The following WIPF1 variants were observed in gnomAD, a reference collection of about 807,000 sequenced individuals.
WIPF1 encodes WAS/WASL interacting protein family member 1, also known as WAS/WASL-interacting protein family member 1.
A neutral mutation model predicts 35.4 loss-of-function variants in WIPF1; 13 were observed. The ratio of observed to expected loss-of-function variants is 0.37; its 90% confidence interval spans 0.24 to 0.58. WIPF1 has a LOEUF of 0.58. WIPF1 is among the 20% of genes least tolerant of loss of function. The pLI is 0.74. For synonymous variants in WIPF1, 267 were observed against 266.3 expected (o/e 1.00, Z -0.02); for missense variants, 591 against 667.0 (o/e 0.89, Z 1.25).
chr2:174,649,705 C>A (rs1385412574), intron 1 of WIPF1, among the ~76,000 whole-genome samples: 1 of 152,146 alleles, frequency 6.6e-6, no homozygotes. Flanking sequence ...CTCGTAAGTA[C>A]AATAAATGTT....
chr2:174,604,007 AT>A (rs1336080708), intron 1 of WIPF1, among the ~76,000 whole-genome samples: 1 of 152,248 alleles, frequency 6.6e-6, no homozygotes, highest in Non-Finnish European at 1.5e-5. Context: ...TTCATAGGCC[AT>A]TTTACACAAT....
Position 174,571,390 on chromosome 2 carries a change from T to A in WIPF1, c.1129+286A>T. The A allele has an allele frequency of 1.7e-6, 1 of 605,102 alleles. No homozygotes were observed. Among genetic ancestry groups the A allele is most frequent in the Non-Finnish European group, 2.9e-6 (1 of 341,240 alleles). 37.5% of individuals were successfully genotyped at this position (605,102 alleles called of 1,614,324 possible). Reference sequence around the variant, plus strand: ...TGGACTGGCAAGTACACTTCAGAGATGGAAGATGAAAGTTCTTGCCTCTTC... The same window carrying A: ...TGGACTGGCAAGTACACTTCAGAGAAGGAAGATGAAAGTTCTTGCCTCTTC... On this transcript the variant is annotated intron_variant, in intron 5 of 7. Coordinates refer to ENST00000679041, the MANE Select transcript of WIPF1 (RefSeq NM_001375834.1). This position sits in a 1 kb window ranked among gnomAD's most constrained non-coding sequence, Gnocchi z 4.6.
chr2:174,659,510 A>T (rs1413419986), intron 1 of WIPF1, among the ~76,000 whole-genome samples: 1 of 152,214 alleles, frequency 6.6e-6, no homozygotes, highest in Non-Finnish European at 1.5e-5. Flanking sequence ...CAGGAAACAG[A>T]TCAAAAACTC....
chr2:174,585,727 T>C, intron 1 of WIPF1, 116 bp from the exon 2 acceptor site: 1 of 731,942 alleles, frequency 1.4e-6, no homozygotes, highest in Non-Finnish European at 2.3e-6. Context: ...TTAGAAGAGA[T>C]GGGCTTACCT....
At chr2:174,617,498 T>A (rs1446243856) in intron 1 of WIPF1, among the ~76,000 whole-genome samples, 1 of 152,206 alleles carries the variant, frequency 6.6e-6, no homozygotes, top group Non-Finnish European at 1.5e-5. Flanking sequence ...AATACTGAGC[T>A]ATAGGCATCG....
intron 3 of WIPF1, among the ~76,000 whole-genome samples, chr2:174,577,619 A>T (rs1685101548): frequency 2.0e-5 from 3 of 152,172 alleles, no homozygotes; most frequent in Admixed American, 2.0e-4. Flanking sequence ...TGATGGATAG[A>T]CTTTCTAACA....
At chr2:174,651,152 A>C (rs1476478076) in intron 1 of WIPF1, among the ~76,000 whole-genome samples, 2 of 152,234 alleles carry the variant, frequency 1.3e-5, no homozygotes, top group Admixed American at 1.3e-4. Flanking sequence ...TGGAAGTACT[A>C]AGACTGTCAT....
chr2:174,601,198 A>T (rs1034772903), upstream of WIPF1, among the ~76,000 whole-genome samples: 2 of 152,168 alleles, frequency 1.3e-5, no homozygotes, highest in African/African-American at 4.8e-5. Flanking sequence ...AAGTGCTGGG[A>T]TTATAGGTGT....
Position 174,581,319 on chromosome 2 carries a change from T to C in WIPF1, c.172A>G (p.Ile58Val). Residue 58 changes from isoleucine (I) to valine (V), a missense_variant, in exon 3 of 8, where the codon ATA becomes GTA. Transcript: ENST00000679041. ...KTVTNDRSAPILDKPKGAGAG... is the reference protein window; with the variant it reads ...KTVTNDRSAPVLDKPKGAGAG... ...GCCTTTTTTTACTTACTGTCCAGTA[T>C]TGGTGCACTTCTGTCATTGGTGACC... is the stretch of plus-strand genomic sequence containing the variant. 1 of 1,614,088 alleles carries C rather than the reference T, an allele frequency of 6.2e-7. No individual in the cohort carries two copies. Among genetic ancestry groups the C allele is most frequent in the Non-Finnish European group, 8.5e-7 (1 of 1,179,942 alleles).
At chr2:174,581,545 T>C in intron 2 of WIPF1, 106 bp from the exon 3 acceptor site, 1 of 1,437,460 alleles carries the variant, frequency 7.0e-7, no homozygotes, top group South Asian at 1.4e-5. Flanking sequence ...GTTAAGGTTC[T>C]TGGTGATAGG....
chr2:174,573,271 GAAA>G (rs5836465), intron 4 of WIPF1, among the ~76,000 whole-genome samples: 2 of 138,454 alleles, frequency 1.4e-5, no homozygotes, highest in Admixed American at 7.2e-5. Flanking sequence ...AGGTAATTCT[GAAA>G]AAAAAAAAAA....
chr2:174,619,123 CT>C (rs1181968493), intron 1 of WIPF1, among the ~76,000 whole-genome samples: 5 of 151,804 alleles, frequency 3.3e-5, no homozygotes, highest in African/African-American at 1.2e-4. Flanking sequence ...CCAGCTGTTT[CT>C]TTTTTTTAGA....
rs148744524 is a variant in WIPF1 at position 174,618,337 on chromosome 2, T to C, written c.-38-32726A>G. Among the ~76,000 whole-genome samples, 324 of 152,134 alleles carry C rather than the reference T, an allele frequency of 2.1e-3. 5 individuals carry two copies. Among genetic ancestry groups the C allele is most frequent in the African/African-American group, 7.4e-3 (307 of 41,488 alleles). ...CTCATGTCCTTCCTTGTCTCAGAAGTATGAACTGAGGATCAAGGAGGGGCA... is the reference window on the plus strand; with the variant it reads ...CTCATGTCCTTCCTTGTCTCAGAAGCATGAACTGAGGATCAAGGAGGGGCA... On this transcript the variant is annotated intron_variant, in intron 1 of 8. Transcript: ENST00000272746.
chr2:174,675,151 T>G lies in WIPF1; in HGVS notation c.-39+7623A>C, dbSNP rs571344018. ...TATTTTTAGGAGAAAAAACTATATA[T>G]GTGCATATATACTTATACATAGTTA... is the stretch of plus-strand genomic sequence containing the variant. On this transcript the variant is annotated intron_variant, in intron 1 of 8. Transcript: ENST00000272746. 2.0e-5 allele frequency among the ~76,000 whole-genome samples: 3 copies of G among 152,274 alleles called. No homozygotes were observed. In the East Asian group the frequency reaches 5.8e-4, roughly 29 times the overall value.
intron 1 of WIPF1, among the ~76,000 whole-genome samples, chr2:174,653,759 A>AAG (rs1205835118): frequency 6.6e-6 from 1 of 151,646 alleles, no homozygotes; most frequent in African/African-American, 2.4e-5. Flanking sequence ...AAAAAAAAAA[A>AAG]AAAGAAACAG....
intron 1 of WIPF1, among the ~76,000 whole-genome samples, chr2:174,635,529 GTTTTTTTTTTT>G (rs1197924942): frequency 8.6e-6 from 1 of 115,624 alleles, no homozygotes; most frequent in Non-Finnish European, 1.7e-5. Context: ...CCTTCTGTTT[GTTTTTTTTTTT>G]TTTTTTTTTT....
rs10168488 is a variant in WIPF1 at position 174,651,431 on chromosome 2, C to T, written c.-39+31343G>A. On this transcript the variant is annotated intron_variant, in intron 1 of 8. Coordinates refer to the WIPF1 transcript ENST00000272746. Reference sequence around the variant, plus strand: ...ACTTCAGAATGATAACACTGAGTTACTGCTAAATGAAAAACAATAGTAACA... The same window carrying T: ...ACTTCAGAATGATAACACTGAGTTATTGCTAAATGAAAAACAATAGTAACA... Among the ~76,000 whole-genome samples the T allele has an allele frequency of 9.7e-3, 1,470 of 152,300 alleles. 27 individuals are homozygous for T. Among genetic ancestry groups the T allele is most frequent in the African/African-American group, 0.033 (1,375 of 41,548 alleles).
intron 1 of WIPF1, among the ~76,000 whole-genome samples, chr2:174,588,455 C>T (rs1685495483): frequency 1.3e-5 from 2 of 152,182 alleles, no homozygotes; most frequent in Non-Finnish European, 2.9e-5. Context: ...AACTTCTGTC[C>T]TGCACAGCTT....
intron 1 of WIPF1, among the ~76,000 whole-genome samples, chr2:174,592,878 T>C (rs1023819106): frequency 6.6e-6 from 1 of 152,182 alleles, no homozygotes; most frequent in Admixed American, 6.5e-5. Context: ...GATGCTATGA[T>C]AATAGGCATG....
Sources: allele counts gnomAD v4.1 joint callset (sites outside exome capture counted in the v4.1 genomes callset), GRCh38; gene constraint gnomAD v4.1.1; non-coding constraint Gnocchi (gnomAD v3.1); transcripts MANE v1.5; gene names NCBI Gene and HGNC (gene_info 2026-07-23, HGNC 2026-07-21).